Variants in ORC4 observed in about 807,000 individuals in gnomAD.
The protein encoded by ORC4 is origin recognition complex subunit 4.
In ORC4, 55 loss-of-function variants were observed where a neutral mutation model predicts 63.9. That is an observed-to-expected ratio of 0.86 (90% CI 0.69 to 1.08). ORC4 has a LOEUF of 1.08. ORC4 is among the 50% of genes least tolerant of loss of function. The pLI, the probability that ORC4 is intolerant of heterozygous loss-of-function variation, is 0.00. For synonymous variants in ORC4, 150 were observed against 168.5 expected (o/e 0.89, Z 0.85); for missense variants, 511 against 504.4 (o/e 1.01, Z -0.13).
At chr2:147,975,510 A>C (rs901803214) in intron 2 of ORC4, among the ~76,000 whole-genome samples, 1 of 68,816 alleles carries the variant, frequency 1.5e-5, no homozygotes, top group African/African-American at 5.0e-5. Flanking sequence ...AAAAGGGAAA[A>C]AAAAAAAAAG....
intron 1 of ORC4, among the ~76,000 whole-genome samples, chr2:147,987,035 C>T (rs1371517362): frequency 6.6e-6 from 1 of 151,744 alleles, no homozygotes; most frequent in African/African-American, 2.4e-5. Context: ...GAACTTAAAA[C>T]TATTTTTTTT....
At chr2:147,980,659 T>C (rs936574205) in intron 1 of ORC4, among the ~76,000 whole-genome samples, 3 of 152,058 alleles carry the variant, frequency 2.0e-5, no homozygotes, top group African/African-American at 7.2e-5. Flanking sequence ...AAAACCACAA[T>C]GAGATAACAT....
chr2:148,008,288 A>T (rs1201815792), intron 1 of ORC4, among the ~76,000 whole-genome samples: 2 of 152,272 alleles, frequency 1.3e-5, no homozygotes, highest in East Asian at 3.8e-4. Flanking sequence ...TAGCAGGAAG[A>T]TTAAAAGACA....
At chr2:147,991,472 C>A (rs1351918203) in intron 1 of ORC4, among the ~76,000 whole-genome samples, 1 of 152,048 alleles carries the variant, frequency 6.6e-6, no homozygotes. Flanking sequence ...AAATAAACAA[C>A]CCCCAGAAGG....
At chr2:147,991,449 GTAAA>G (rs569564592) in intron 1 of ORC4, among the ~76,000 whole-genome samples, 61 of 152,212 alleles carry the variant, frequency 4.0e-4, no homozygotes, top group African/African-American at 1.4e-3. Context: ...AACATGGGAG[GTAAA>G]TAGTTATGAA....
At chr2:147,969,391 T>C (rs1267187230) in intron 4 of ORC4, among the ~76,000 whole-genome samples, 1 of 152,006 alleles carries the variant, frequency 6.6e-6, no homozygotes, top group Non-Finnish European at 1.5e-5. Context: ...TCACTATATA[T>C]CCCATGAAAG....
At chr2:147,955,535 T>TAAAA in intron 6 of ORC4, 140 bp from the exon 7 acceptor site, 1 of 598,372 alleles carries the variant, frequency 1.7e-6, no homozygotes, top group East Asian at 2.9e-5. Context: ...GCTGAGTGTC[T>TAAAA]CTATACTTCC....
rs574193084 is a variant in ORC4, at chr2:147,938,438, G to T, written c.959-45C>A. ...AAACTATCAGTTTAATGACATATAA[G>T]ACTGAAATAACTGTTCTCCAAAGAA... On this transcript the variant is annotated intron_variant, in intron 11 of 13. Transcript: ENST00000392857. 5 of 1,078,288 alleles carry T rather than the reference G, an allele frequency of 4.6e-6. No individual in the cohort carries two copies. The Admixed American group carries it at 6.8e-5, about 15-fold the overall frequency. The allele number at this position is 1,078,288 out of a possible 1,614,324, so 66.8% of individuals were successfully genotyped here.
At chr2:147,970,969 C>CA (rs2105345267) in intron 4 of ORC4, among the ~76,000 whole-genome samples, 1 of 150,906 alleles carries the variant, frequency 6.6e-6, no homozygotes, top group East Asian at 2.0e-4. Flanking sequence ...CGTCTCTACA[C>CA]AAAATTAAAA....
At position 147,933,298 on chromosome 2, in the gene ORC4, A is replaced by G. The variant is rs1216215492; in HGVS notation, c.*2212T>C. The G allele has an allele frequency of 1.3e-5, 2 of 152,084 alleles. No homozygotes were observed. The highest frequency in any genetic ancestry group is 2.9e-5 in the Non-Finnish European group (2 of 67,986). 9.4% of individuals were successfully genotyped at this position (152,084 alleles called of 1,614,324 possible). On this transcript the variant is annotated 3_prime_UTR_variant, in exon 14 of 14. Transcript: ENST00000392857. ...GTTTTTATTGATGACAATTAAAGCA[A>G]TTTAAGAGACGAAGTTAGCTCAAAA... is the stretch of plus-strand genomic sequence containing the variant.
At chr2:147,985,617 C>T (rs985460156) in intron 1 of ORC4, among the ~76,000 whole-genome samples, 8 of 152,288 alleles carry the variant, frequency 5.3e-5, no homozygotes, top group Middle Eastern at 3.4e-3. Context: ...AGAAATAGAA[C>T]ATAAAAGCCC....
intron 9 of ORC4, among the ~76,000 whole-genome samples, chr2:147,947,327 T>A (rs1056552912): frequency 2.0e-5 from 3 of 152,090 alleles, no homozygotes; most frequent in African/African-American, 7.2e-5. Flanking sequence ...TATTCATTAA[T>A]GATGTTTTTC....
rs771044274 is a variant in ORC4 at position 147,935,718 on chromosome 2, G to A, written c.1123-20C>T. On this transcript the variant is annotated intron_variant, in intron 13 of 13. Coordinates refer to ENST00000392857, the MANE Select transcript of ORC4 (RefSeq NM_181741.4). ...AAAAGCCTGAAAGATGAAAGAAATAGTTTAGGTTGAATAGGAGAGGAGAGT... is the reference window on the plus strand; with the variant it reads ...AAAAGCCTGAAAGATGAAAGAAATAATTTAGGTTGAATAGGAGAGGAGAGT... The A allele has an allele frequency of 1.2e-5, 19 of 1,601,974 alleles. No homozygotes were observed. The highest frequency in any genetic ancestry group is 2.2e-5 in the East Asian group (1 of 44,754).
chr2:147,960,176 C>T (rs1245458962), intron 4 of ORC4: 1 of 725,900 alleles, frequency 1.4e-6, no homozygotes. Context: ...TTAATAATAC[C>T]TTCCATTTTA....
At chr2:147,984,443 G>A (rs1367862325) in intron 1 of ORC4, among the ~76,000 whole-genome samples, 1 of 151,964 alleles carries the variant, frequency 6.6e-6, no homozygotes, top group Non-Finnish European at 1.5e-5. Flanking sequence ...TATGTTACCA[G>A]CAAGGCTTCC....
chr2:147,980,642 T>A (rs779355518), intron 1 of ORC4, among the ~76,000 whole-genome samples: 26 of 152,080 alleles, frequency 1.7e-4, no homozygotes, highest in Admixed American at 5.2e-4. Context: ...TTCAGGGAAG[T>A]ACAAACAAAA....
At position 147,960,272 on chromosome 2, in the gene ORC4, C is replaced by T. The variant is rs1005295513; in HGVS notation, c.226-1406G>A. ...ACACCAACTTATGCTTTGCTTGGAT[C>T]AGCCCACTAATATTTTATGGGTTGT... On this transcript the variant is annotated intron_variant, in intron 4 of 13. Transcript: ENST00000392857. The T allele has an allele frequency of 5.1e-6, 5 of 985,130 alleles. No homozygotes were observed. In the African/African-American group the frequency reaches 7.0e-5, roughly 14 times the overall value. 61.0% of individuals were successfully genotyped at this position (985,130 alleles called of 1,614,324 possible).
chr2:147,953,048 G>A (rs1166322417), intron 7 of ORC4, among the ~76,000 whole-genome samples: 2 of 149,912 alleles, frequency 1.3e-5, no homozygotes, highest in Non-Finnish European at 3.0e-5. Context: ...GTTCAGTCTA[G>A]GCCGGGCATG....
intron 6 of ORC4, among the ~76,000 whole-genome samples, chr2:147,956,584 C>T (rs1016420862): frequency 3.3e-5 from 5 of 152,036 alleles, no homozygotes; most frequent in African/African-American, 9.7e-5. Context: ...CCTAATTATG[C>T]TCTCTGAGCA....
Sources: allele counts gnomAD v4.1 joint callset (sites outside exome capture counted in the v4.1 genomes callset), GRCh38; gene constraint gnomAD v4.1.1; transcripts MANE v1.5; gene names NCBI Gene and HGNC (gene_info 2026-07-23, HGNC 2026-07-21).